The following UCKL1 variants were observed in gnomAD, a reference collection of about 807,000 sequenced individuals.
UCKL1 encodes the protein uridine-cytidine kinase-like 1.
UCKL1 carries 65 observed loss-of-function variants against 59.2 expected under a neutral mutation model. The observed-to-expected ratio is 1.10, with a 90% CI of 0.90 to 1.35. The LOEUF (loss-of-function observed/expected upper bound fraction) is 1.35. Ranked by LOEUF, UCKL1 falls within the 40% of genes most tolerant of loss-of-function variation. The pLI is 0.00. For synonymous variants in UCKL1, 410 were observed against 323.1 expected (o/e 1.27, Z -2.88); for missense variants, 703 against 784.3 (o/e 0.90, Z 1.24).
Position 63,941,013 on chromosome 20 carries a change from G to A in UCKL1, c.1053C>T (p.Ile351=), listed in dbSNP as rs886247439. 6 of 1,553,998 alleles carry A rather than the reference G, an allele frequency of 3.9e-6. No homozygotes were observed. Among genetic ancestry groups the A allele is most frequent in the Non-Finnish European group, 4.4e-6 (5 of 1,149,382 alleles). Residue 351 remains isoleucine, a synonymous_variant, in exon 10 of 15, where the codon ATC becomes ATT. Coordinates refer to ENST00000354216, the MANE Select transcript of UCKL1 (RefSeq NM_017859.4). ...GCCGCATCAGTCTCTTGGAGTAGAA[G>A]ATGAACTCGTCGCGACTGGTCTCCT... The part of the protein sequence containing the change: ...RDKETSRDEF[I]FYSKRLMRLL...
intron 5 of UCKL1, among the ~76,000 whole-genome samples, chr20:63,945,442 A>G (rs1449960750): frequency 2.0e-5 from 3 of 152,250 alleles, no homozygotes; most frequent in African/African-American, 7.2e-5. Flanking sequence ...GAGAGGAACC[A>G]CTGCCTCAGG....
At chr20:63,941,327 T>G in intron 8 of UCKL1, 119 bp from the exon 9 acceptor site, 1 of 1,422,046 alleles carries the variant, frequency 7.0e-7, no homozygotes, top group Non-Finnish European at 9.4e-7. Flanking sequence ...CAGCACGAGG[T>G]GCAGAGCGGG....
intron 2 of UCKL1, 24 bp from the exon 3 acceptor site, chr20:63,946,291 C>T (rs1376212794): frequency 6.4e-7 from 1 of 1,566,868 alleles, no homozygotes; most frequent in Non-Finnish European, 8.6e-7. Context: ...TGGAGACCCT[C>T]TGTGAGGAAC....
At chr20:63,943,856 G>A (rs1036267058) in intron 7 of UCKL1, among the ~76,000 whole-genome samples, 187 bp from the exon 8 acceptor site, 11 of 152,196 alleles carry the variant, frequency 7.2e-5, no homozygotes, top group Admixed American at 6.5e-5. Flanking sequence ...GCAGTTCTGC[G>A]TTGGGGCAAT....
Position 63,945,922 on chromosome 20 carries a change from G to A in UCKL1, c.465C>T (p.Asp155=). The change falls in exon 4 of 15, where the codon GAC becomes GAT. Residue 155 remains aspartate, a synonymous_variant. Transcript: ENST00000354216. ...GGTCGAAGTCAAAGGCATCTGGGTGGTCGAAGTTGAAGTTGTTGTGTGCGG... is the reference window on the plus strand; with the variant it reads ...GGTCGAAGTCAAAGGCATCTGGGTGATCGAAGTTGAAGTTGTTGTGTGCGG... ...EQAAHNNFNF[D]HPDAFDFDLI... is the part of the protein sequence containing the mutation. 1 of 1,613,888 alleles carries A rather than the reference G, an allele frequency of 6.2e-7. No individual in the cohort carries two copies. The highest frequency in any genetic ancestry group is 8.5e-7 in the Non-Finnish European group (1 of 1,180,010).
Position 63,946,279 on chromosome 20 carries a change from A to G in UCKL1, c.305-12T>C. ...GCCGCCTCCCAAGCCTGCCGGCGGG[A>G]GTGGAGACCCTCTGTGAGGAACAGG... On this transcript the variant is annotated splice_polypyrimidine_tract_variant and intron_variant, in intron 2 of 14. Transcript: ENST00000354216. The G allele has an allele frequency of 6.3e-7, 1 of 1,576,104 alleles. No individual in the cohort carries two copies. The highest frequency in any genetic ancestry group is 8.6e-7 in the Non-Finnish European group (1 of 1,161,780).
intron 1 of UCKL1, chr20:63,954,750 C>T (rs1464076317): frequency 6.6e-6 from 1 of 152,300 alleles, no homozygotes; most frequent in Non-Finnish European, 1.5e-5. Context: ...GAGCTTCCCT[C>T]CTGTCCCTTG....
In UCKL1 at chr20:63,946,582, T is replaced by G. The variant is rs765341104; in HGVS notation, c.175A>C (p.Lys59Gln). ...PPVGTGRSPR[K>Q]RTTSQCKSEP... ...GACTTGCACTGGCTGGTGGTCCGCTTCCGGGGAGAGCGCCCAGTGCCCACA... is the reference window on the plus strand; with the variant it reads ...GACTTGCACTGGCTGGTGGTCCGCTGCCGGGGAGAGCGCCCAGTGCCCACA... The change falls in exon 2 of 15, where the codon AAG becomes CAG. Residue 59 changes from lysine to glutamine, a missense_variant. Lys to Gln is a moderately conservative substitution (Grantham distance 53). Around this residue, in one of 4 missense-constraint regions of UCKL1, gnomAD observed 398 missense variants for 373.0 expected, o/e 1.07. Coordinates refer to ENST00000354216, the MANE Select transcript of UCKL1 (RefSeq NM_017859.4). 6.2e-7 allele frequency: 1 copy of G among 1,611,602 alleles called. No homozygotes were observed. The highest frequency in any genetic ancestry group is 1.1e-5 in the South Asian group (1 of 91,056).
chr20:63,946,020 T>C, intron 3 of UCKL1, 45 bp from the exon 4 acceptor site: 1 of 1,612,208 alleles, frequency 6.2e-7, no homozygotes. Context: ...AGTAGGGCCC[T>C]CACCCAATGC....
At chr20:63,942,550 G>A in intron 8 of UCKL1, 1 of 1,060,834 alleles carries the variant, frequency 9.4e-7, no homozygotes, top group African/African-American at 1.7e-5. Flanking sequence ...GGGGTTTACA[G>A]AGAGAAGGAA....
chr20:63,943,708 C>T (rs200049498), intron 7 of UCKL1, 39 bp from the exon 8 acceptor site: 22 of 1,612,024 alleles, frequency 1.4e-5, no homozygotes, highest in African/African-American at 4.0e-5. Flanking sequence ...GGAACGGTGG[C>T]GCGTCAGTGA....
chr20:63,944,342 A>T, intron 7 of UCKL1, 55 bp downstream of exon 7: 1 of 1,500,382 alleles, frequency 6.7e-7, no homozygotes, highest in Non-Finnish European at 9.0e-7. Flanking sequence ...GTGGCAGCGG[A>T]GAAGTGGGTA....
At chr20:63,951,267 C>G in intron 1 of UCKL1, 1 of 927,112 alleles carries the variant, frequency 1.1e-6, no homozygotes, top group Middle Eastern at 5.5e-4. Context: ...GGCCAGCCCT[C>G]GGTGTGAACT....
At chr20:63,945,206 C>T (rs2055826971) in intron 5 of UCKL1, among the ~76,000 whole-genome samples, 1 of 152,158 alleles carries the variant, frequency 6.6e-6, no homozygotes, top group Non-Finnish European at 1.5e-5. Flanking sequence ...CTGGGGGCTG[C>T]TATGTGCCGG....
In UCKL1 at chr20:63,946,278, G is replaced by C; in HGVS notation, c.305-11C>G. 6.3e-7 allele frequency: 1 copy of C among 1,576,790 alleles called. No individual in the cohort carries two copies. The highest frequency in any genetic ancestry group is 2.4e-5 in the East Asian group (1 of 42,362). On this transcript the variant is annotated splice_polypyrimidine_tract_variant and intron_variant, in intron 2 of 14. Coordinates refer to ENST00000354216, the MANE Select transcript of UCKL1 (RefSeq NM_017859.4). ...TGCCGCCTCCCAAGCCTGCCGGCGG[G>C]AGTGGAGACCCTCTGTGAGGAACAG...
At chr20:63,942,744 GA>G in intron 8 of UCKL1, 1 of 476,410 alleles carries the variant, frequency 2.1e-6, no homozygotes, top group East Asian at 6.7e-5. Context: ...CCAGACGACG[GA>G]AAATGTGTCT....
chr20:63,947,828 G>A (rs2056654392), intron 1 of UCKL1, among the ~76,000 whole-genome samples: 1 of 152,268 alleles, frequency 6.6e-6, no homozygotes, highest in South Asian at 2.1e-4. Context: ...CACAGGCCTA[G>A]GCTGTGTGGC....
At chr20:63,946,138 G>C (rs373948118) in intron 3 of UCKL1, 23 bp downstream of exon 3, 1 of 1,609,980 alleles carries the variant, frequency 6.2e-7, no homozygotes, top group Non-Finnish European at 8.5e-7. Flanking sequence ...AGGGGTCCTC[G>C]GGGGAGCTGG....
At chr20:63,951,635 C>T (rs918266591) in intron 1 of UCKL1, among the ~76,000 whole-genome samples, 3 of 152,168 alleles carry the variant, frequency 2.0e-5, no homozygotes, top group African/African-American at 7.2e-5. Flanking sequence ...CCACCCAGGG[C>T]TCACCACCCA....
Sources: gnomAD v4.1 joint callset for allele counts (sites outside exome capture counted in the v4.1 genomes callset) on GRCh38, gnomAD v4.1.1 for gene constraint, gnomAD v4.1.1 regional missense constraint, MANE v1.5 for transcripts, NCBI Gene and HGNC (gene_info 2026-07-23, HGNC 2026-07-21) for gene names.